The following SAMMSON variants were observed in gnomAD, a reference collection of about 807,000 sequenced individuals.
The protein encoded by SAMMSON is long intergenic non-protein coding RNA 1212.
chr3:70,336,935 G>A (rs1354775252), intron 7 of SAMMSON, among the ~76,000 whole-genome samples: 2 of 148,112 alleles, frequency 1.4e-5, no homozygotes, highest in African/African-American at 2.5e-5. Flanking sequence ...TAGCTATTCC[G>A]GGACCACCAC....
At chr3:70,198,031 G>A (rs146852817) in intron 4 of SAMMSON, among the ~76,000 whole-genome samples, 19 of 152,302 alleles carry the variant, frequency 1.2e-4, no homozygotes, top group African/African-American at 4.6e-4. Context: ...GTTAGAAGAT[G>A]TAGCAGTTCT....
intron 6 of SAMMSON, among the ~76,000 whole-genome samples, chr3:70,254,214 A>C (rs1701794751): frequency 1.3e-5 from 2 of 152,208 alleles, no homozygotes; most frequent in Admixed American, 6.5e-5. Flanking sequence ...TGATTTTAAC[A>C]GCTGTGAAGT....
chr3:70,396,857 G>A (rs1194903497), intron 2 of SAMMSON, among the ~76,000 whole-genome samples: 1 of 152,132 alleles, frequency 6.6e-6, no homozygotes, highest in Non-Finnish European at 1.5e-5. Flanking sequence ...GGGAAGTGTT[G>A]GGGAAGACAG....
At chr3:70,367,510 C>G (rs1267758311) in intron 9 of SAMMSON, among the ~76,000 whole-genome samples, 1 of 151,526 alleles carries the variant, frequency 6.6e-6, no homozygotes, top group African/African-American at 2.4e-5. Context: ...TTTCATTTAA[C>G]CTAATGTCCT....
At chr3:70,001,502 T>C (rs2066905573) in intron 1 of SAMMSON, among the ~76,000 whole-genome samples, 1 of 152,026 alleles carries the variant, frequency 6.6e-6, no homozygotes, top group South Asian at 2.1e-4. Context: ...ATGTAATATG[T>C]ATTCTCTCCC....
chr3:70,108,838 A>C (rs2067377787), intron 4 of SAMMSON, among the ~76,000 whole-genome samples: 1 of 152,080 alleles, frequency 6.6e-6, no homozygotes, highest in Admixed American at 6.6e-5. Context: ...CAGTTTCCAG[A>C]CCAATGAAAA....
chr3:70,310,408 C>T (rs566902464), intron 7 of SAMMSON, among the ~76,000 whole-genome samples: 1 of 151,930 alleles, frequency 6.6e-6, no homozygotes, highest in Non-Finnish European at 1.5e-5. Flanking sequence ...CTCAGTCACC[C>T]AGGCTGGAGT....
In SAMMSON at chr3:70,041,265, A is replaced by G. The variant is rs551558110; in HGVS notation, n.417+27593A>G. Among the ~76,000 whole-genome samples, 3 of 152,234 alleles carry G rather than the reference A, an allele frequency of 2.0e-5. No individual in the cohort carries two copies. The East Asian group carries it at 5.8e-4, about 29-fold the overall frequency. On this transcript the variant is annotated intron_variant and non_coding_transcript_variant, in intron 3 of 9. Coordinates refer to ENST00000642114, the Ensembl canonical transcript of SAMMSON. ...GGCCTCGTATTATCCACAGGTTTGG[A>G]AAGTGGGATGTGGTTGCTGGGAAGT...
chr3:70,013,217 T>A (rs2066965824), intron 2 of SAMMSON, among the ~76,000 whole-genome samples: 1 of 152,184 alleles, frequency 6.6e-6, no homozygotes, highest in Non-Finnish European at 1.5e-5. Flanking sequence ...AGGTTTTGAC[T>A]CTGGCTTTGT....
chr3:70,315,440 A>G (rs1702487844), intron 7 of SAMMSON, among the ~76,000 whole-genome samples: 1 of 152,146 alleles, frequency 6.6e-6, no homozygotes, highest in Non-Finnish European at 1.5e-5. Context: ...GTCATTCCTT[A>G]TAAGAGCTGT....
chr3:70,343,663 T>C (rs1034199175), intron 7 of SAMMSON, among the ~76,000 whole-genome samples: 4 of 152,038 alleles, frequency 2.6e-5, no homozygotes, highest in Admixed American at 6.6e-5. Context: ...GTTTCCATTG[T>C]AAAATTATTA....
At chr3:70,143,444 T>A (rs185652575) in intron 4 of SAMMSON, among the ~76,000 whole-genome samples, 4 of 152,222 alleles carry the variant, frequency 2.6e-5, no homozygotes, top group Admixed American at 2.6e-4. Context: ...AGAATTTTGT[T>A]TTTCGTGTAC....
intron 4 of SAMMSON, among the ~76,000 whole-genome samples, chr3:70,096,974 T>C (rs759921317): frequency 6.6e-6 from 1 of 152,210 alleles, no homozygotes; most frequent in East Asian, 1.9e-4. Flanking sequence ...ACCTGTGATC[T>C]TCCTGGAAGA....
intron 4 of SAMMSON, among the ~76,000 whole-genome samples, chr3:70,089,621 T>G (rs1022423125): frequency 3.3e-5 from 5 of 152,126 alleles, no homozygotes; most frequent in Non-Finnish European, 2.9e-5. Flanking sequence ...TAGCTTGTGT[T>G]TCTCCATTGG....
At chr3:70,126,217 C>G in intron 4 of SAMMSON, 1 of 1,037,116 alleles carries the variant, frequency 9.6e-7, no homozygotes, top group East Asian at 2.6e-5. Context: ...ATAACCAATT[C>G]TTTCTTTTCT....
chr3:70,144,201 A>G (rs1182010586), intron 4 of SAMMSON, among the ~76,000 whole-genome samples: 4 of 152,102 alleles, frequency 2.6e-5, no homozygotes, highest in African/African-American at 2.4e-5. Context: ...AATATGCATT[A>G]TTTATTAATA....
chr3:70,390,081 T>G (rs185713860), downstream of SAMMSON, among the ~76,000 whole-genome samples: 4 of 152,208 alleles, frequency 2.6e-5, no homozygotes, highest in East Asian at 5.8e-4. Context: ...ACCTATAATT[T>G]AAAGACAGTA....
At chr3:70,270,723 A>G (rs984408673) in intron 6 of SAMMSON, among the ~76,000 whole-genome samples, 4 of 152,188 alleles carry the variant, frequency 2.6e-5, no homozygotes, top group Non-Finnish European at 4.4e-5. Flanking sequence ...GGACGAGTTC[A>G]TGTCCTTTGC....
intron 9 of SAMMSON, among the ~76,000 whole-genome samples, chr3:70,386,877 A>T (rs909833485): frequency 2.6e-5 from 4 of 152,034 alleles, no homozygotes; most frequent in Non-Finnish European, 5.9e-5. Context: ...GAGGCAGTTG[A>T]TTTCTCTGTT....
Sources: gnomAD v4.1 joint callset for allele counts (sites outside exome capture counted in the v4.1 genomes callset) on GRCh38, gnomAD v4.1.1 for gene constraint, MANE v1.5 for transcripts, NCBI Gene and HGNC (gene_info 2026-07-23, HGNC 2026-07-21) for gene names.